Variants in MGAT4C observed in about 807,000 individuals in gnomAD.
The protein encoded by MGAT4C is MGAT4 family member C.
A neutral mutation model predicts 40.1 loss-of-function variants in MGAT4C; 19 were observed. The observed-to-expected ratio is 0.47, with a 90% CI of 0.33 to 0.70. MGAT4C has a LOEUF of 0.70. Ranked by LOEUF, MGAT4C falls within the 30% of genes least tolerant of loss-of-function variation. The pLI is 0.02. For missense variants in MGAT4C, 491 were observed against 563.2 expected, an observed-to-expected ratio of 0.87 and a Z score of 1.30; for synonymous variants, 181 against 187.1, an observed-to-expected ratio of 0.97 and a Z score of 0.27.
intron 4 of MGAT4C, among the ~76,000 whole-genome samples, chr12:86,295,404 G>A (rs113196758): frequency 1.3e-5 from 2 of 152,276 alleles, no homozygotes; most frequent in Admixed American, 6.5e-5. Context: ...AAGGCAGCGC[G>A]TCTGGAGTTG....
At chr12:86,770,984 G>A (rs1056360831) in intron 1 of MGAT4C, among the ~76,000 whole-genome samples, 3 of 152,002 alleles carry the variant, frequency 2.0e-5, no homozygotes, top group Non-Finnish European at 2.9e-5. Flanking sequence ...TGGAGATAGG[G>A]TCTTTACAGA....
At chr12:86,306,217 C>G (rs1953931450) in intron 4 of MGAT4C, among the ~76,000 whole-genome samples, 1 of 150,232 alleles carries the variant, frequency 6.7e-6, no homozygotes, top group Non-Finnish European at 1.5e-5. Context: ...GGAAATTACT[C>G]AAGAGAAACA....
At chr12:86,598,865 C>A (rs1170727625) in intron 2 of MGAT4C, among the ~76,000 whole-genome samples, 3 of 152,086 alleles carry the variant, frequency 2.0e-5, no homozygotes, top group Admixed American at 2.0e-4. Context: ...CACATATATT[C>A]ACATAGTAAA....
At chr12:86,282,056 GGGGGC>G (rs1953231501) in intron 4 of MGAT4C, among the ~76,000 whole-genome samples, 1 of 151,970 alleles carries the variant, frequency 6.6e-6, no homozygotes, top group African/African-American at 2.4e-5. Flanking sequence ...TTATGTACAT[GGGGGC>G]TTTTTAAATT....
chr12:85,969,338 C>T lies in MGAT4C; in HGVS notation c.*9951G>A, dbSNP rs1369352807. 6.6e-6 allele frequency: 1 copy of T among 151,666 alleles called. No individual in the cohort carries two copies. Among genetic ancestry groups the T allele is most frequent in the Non-Finnish European group, 1.5e-5 (1 of 67,698 alleles). 9.4% of individuals were successfully genotyped at this position (151,666 alleles called of 1,614,324 possible). A position where few individuals can be genotyped will look rare whatever the true frequency, so the allele number is the denominator to read the frequency against. ...CGAAATAATAGCTGAAATTTAGAAACATAGTTAATCACACAAAAAATGTTG... is the reference window on the plus strand; with the variant it reads ...CGAAATAATAGCTGAAATTTAGAAATATAGTTAATCACACAAAAAATGTTG... On this transcript the variant is annotated 3_prime_UTR_variant, in exon 5 of 5. Transcript: ENST00000611864.
At chr12:86,415,310 C>T (rs1447173922) in intron 3 of MGAT4C, among the ~76,000 whole-genome samples, 3 of 152,008 alleles carry the variant, frequency 2.0e-5, no homozygotes, top group Non-Finnish European at 4.4e-5. Flanking sequence ...TTCCTCAACT[C>T]TCATGCATTC....
At position 86,256,350 on chromosome 12, in the gene MGAT4C, A is replaced by G. The variant is rs931997666; in HGVS notation, c.-168T>C. On this transcript the variant is annotated 5_prime_UTR_variant, in exon 1 of 5. Coordinates refer to ENST00000611864, the MANE Select transcript of MGAT4C (RefSeq NM_001351288.2). ...AAAGCGAGATAATTGGCTCTCAATG[A>G]AGAGATGTAAACATCCATCATAATG... The G allele has an allele frequency of 6.6e-6, 1 of 152,198 alleles. No homozygotes were observed. The highest frequency in any genetic ancestry group is 2.4e-5 in the African/African-American group (1 of 41,440). The allele number at this position is 152,198 out of a possible 1,614,324, so 9.4% of individuals were successfully genotyped here.
At chr12:86,526,856 G>C in intron 2 of MGAT4C, among the ~76,000 whole-genome samples, 1 of 152,176 alleles carries the variant, frequency 6.6e-6, no homozygotes, top group East Asian at 1.9e-4. Flanking sequence ...AGTGTCCATG[G>C]TGGTGCAGGG....
At chr12:86,658,272 T>C (rs972610151) in intron 2 of MGAT4C, among the ~76,000 whole-genome samples, 1 of 151,980 alleles carries the variant, frequency 6.6e-6, no homozygotes, top group Non-Finnish European at 1.5e-5. Context: ...ATAGCAGAGG[T>C]TTAAGTAAGA....
chr12:86,224,578 A>G (rs1951006960), intron 1 of MGAT4C, among the ~76,000 whole-genome samples: 1 of 152,356 alleles, frequency 6.6e-6, no homozygotes, highest in South Asian at 2.1e-4. Flanking sequence ...ATAAACTTAA[A>G]GAAATCAAAA....
chr12:86,304,244 T>A (rs1177456810), intron 4 of MGAT4C, among the ~76,000 whole-genome samples: 1 of 150,672 alleles, frequency 6.6e-6, no homozygotes, highest in Non-Finnish European at 1.5e-5. Context: ...GATAAGCTTT[T>A]TTTGTTGCAA....
chr12:86,766,923 T>C (rs1411471767), intron 1 of MGAT4C, among the ~76,000 whole-genome samples: 4 of 151,666 alleles, frequency 2.6e-5, no homozygotes, highest in Admixed American at 2.0e-4. Flanking sequence ...GCAGGAAAGA[T>C]AGAAAATTGA....
At chr12:86,139,782 A>G (rs1213937119) in intron 1 of MGAT4C, among the ~76,000 whole-genome samples, 2 of 152,218 alleles carry the variant, frequency 1.3e-5, no homozygotes. Flanking sequence ...ACAATGCCAA[A>G]TAATTTTCCA....
intron 1 of MGAT4C, among the ~76,000 whole-genome samples, chr12:86,106,939 T>G (rs577268425): frequency 6.6e-6 from 1 of 152,256 alleles, no homozygotes; most frequent in Non-Finnish European, 1.5e-5. Flanking sequence ...CTGCAGAGTT[T>G]TTGTGAAGTG....
intron 2 of MGAT4C, among the ~76,000 whole-genome samples, chr12:86,617,650 T>C (rs1962494790): frequency 6.6e-6 from 1 of 150,904 alleles, no homozygotes; most frequent in Middle Eastern, 3.4e-3. Flanking sequence ...ATCCTGCCGC[T>C]GCACTCCAGC....
At chr12:86,113,657 G>GA (rs1422563877) in intron 1 of MGAT4C, among the ~76,000 whole-genome samples, 1 of 151,898 alleles carries the variant, frequency 6.6e-6, no homozygotes, top group South Asian at 2.1e-4. Context: ...TGAACTAGTA[G>GA]AAAAACTAGA....
At chr12:86,692,597 C>A (rs1950190133) in intron 2 of MGAT4C, among the ~76,000 whole-genome samples, 1 of 152,122 alleles carries the variant, frequency 6.6e-6, no homozygotes, top group Non-Finnish European at 1.5e-5. Context: ...AAAATAGTCA[C>A]AGAGGTATAT....
intron 4 of MGAT4C, among the ~76,000 whole-genome samples, chr12:86,296,801 G>A (rs894021403): frequency 3.3e-5 from 5 of 152,178 alleles, no homozygotes; most frequent in African/African-American, 9.6e-5. Flanking sequence ...CAAGCTGAGG[G>A]AGCCGGTTCT....
chr12:86,772,747 A>C (rs550548804), intron 1 of MGAT4C, among the ~76,000 whole-genome samples: 1 of 152,268 alleles, frequency 6.6e-6, no homozygotes, highest in African/African-American at 2.4e-5. Flanking sequence ...GGAATGCATA[A>C]CCTCTTTATT....
Sources: gnomAD v4.1 joint callset for allele counts (sites outside exome capture counted in the v4.1 genomes callset) on GRCh38, gnomAD v4.1.1 for gene constraint, MANE v1.5 for transcripts, NCBI Gene and HGNC (gene_info 2026-07-23, HGNC 2026-07-21) for gene names.